PGR: variants seen among roughly 807,000 people sequenced by gnomAD.
PGR encodes progesterone receptor.
Under a neutral mutation model 76.1 loss-of-function variants are expected in PGR, and 25 were observed. That is an observed-to-expected ratio of 0.33 (90% CI 0.24 to 0.46). The LOEUF (loss-of-function observed/expected upper bound fraction) is 0.46, where lower values mean the gene tolerates loss of function less well. PGR is among the 20% of genes least tolerant of loss of function. The pLI, the probability that PGR is intolerant of heterozygous loss-of-function variation, is 1.00. For missense variants in PGR, 1,172 were observed against 1,225.3 expected (o/e 0.96, Z 0.65); for synonymous variants, 579 against 535.0 (o/e 1.08, Z -1.14).
At chr11:101,101,516 G>A (rs916809179) in intron 2 of PGR, among the ~76,000 whole-genome samples, 1 of 152,142 alleles carries the variant, frequency 6.6e-6, no homozygotes, top group African/African-American at 2.4e-5. Flanking sequence ...TAGAAATAGA[G>A]AATCATCCTT....
intron 3 of PGR, among the ~76,000 whole-genome samples, chr11:101,086,585 A>T (rs1034136606): frequency 3.3e-5 from 5 of 152,166 alleles, no homozygotes; most frequent in Non-Finnish European, 1.5e-5. Flanking sequence ...TGCTAGCCAG[A>T]GCAGTCAGGC....
chr11:101,094,700 G>A (rs769270312), intron 2 of PGR, among the ~76,000 whole-genome samples: 1 of 152,090 alleles, frequency 6.6e-6, no homozygotes, highest in African/African-American at 2.4e-5. Flanking sequence ...ATATAAGAAC[G>A]TAAGGAAATT....
At chr11:101,100,605 CCACACA>C (rs10682415) in intron 2 of PGR, among the ~76,000 whole-genome samples, 23 of 147,580 alleles carry the variant, frequency 1.6e-4, no homozygotes, top group South Asian at 2.2e-4. Context: ...TATTTTGAAT[CCACACA>C]CACACACACA....
chr11:101,062,385 G>A, intron 4 of PGR, 62 bp downstream of exon 4: 1 of 1,208,582 alleles, frequency 8.3e-7, no homozygotes, highest in East Asian at 2.5e-5. Context: ...ATTTAACAAT[G>A]TACTAATACA....
At chr11:101,119,206 C>G (rs1862599898) in intron 2 of PGR, among the ~76,000 whole-genome samples, 1 of 152,178 alleles carries the variant, frequency 6.6e-6, no homozygotes, top group Admixed American at 6.5e-5. Flanking sequence ...GGCCCACTTC[C>G]TAACAGGCCA....
intron 2 of PGR, among the ~76,000 whole-genome samples, chr11:101,103,004 A>G (rs1457898767): frequency 6.6e-6 from 1 of 151,886 alleles, no homozygotes; most frequent in African/African-American, 2.4e-5. Context: ...TGCTATGAGA[A>G]TCTAATGCCA....
chr11:101,112,325 G>A (rs559647622), intron 2 of PGR, among the ~76,000 whole-genome samples: 11 of 152,260 alleles, frequency 7.2e-5, no homozygotes, highest in Middle Eastern at 6.8e-3. Flanking sequence ...AGGCTGACAG[G>A]AATTATCCAG....
Position 101,049,978 on chromosome 11 carries a change from A to G in PGR, c.2439T>C (p.Val813=), listed in dbSNP as rs1411338585. Residue 813 remains valine (V), a synonymous_variant, in exon 6 of 8, where the codon GTT becomes GTC. Transcript: ENST00000325455. ...QIPQEFVKLQ[V]SQEEFLCMKV... ...TCATACAGAGGAACTCTTCTTGGCT[A>G]ACTTGAAGCTTGACAAACTCCTGTG... is the stretch of plus-strand genomic sequence containing the variant. 4 of 1,612,624 alleles carry G rather than the reference A, an allele frequency of 2.5e-6. No homozygotes were observed. The highest frequency in any genetic ancestry group is 2.2e-5 in the East Asian group (1 of 44,746).
At chr11:101,100,269 C>T (rs1861957679) in intron 2 of PGR, among the ~76,000 whole-genome samples, 1 of 152,128 alleles carries the variant, frequency 6.6e-6, no homozygotes, top group Non-Finnish European at 1.5e-5. Flanking sequence ...TTATAAGAGT[C>T]TAGCATTTCC....
At position 101,035,844 on chromosome 11, in the gene PGR, T is replaced by C. The variant is rs1859492901; in HGVS notation, c.*3272A>G. On this transcript the variant is annotated 3_prime_UTR_variant, in exon 8 of 8. Coordinates refer to ENST00000325455, the MANE Select transcript of PGR (RefSeq NM_000926.4). ...GGTGACATAAATAAAACAGTGAGACTTTCTAGAATCCTGCTTTCACTGTAG... is the reference window on the plus strand; with the variant it reads ...GGTGACATAAATAAAACAGTGAGACCTTCTAGAATCCTGCTTTCACTGTAG... 1 of 231,728 alleles carries C rather than the reference T, an allele frequency of 4.3e-6. No individual in the cohort carries two copies. The highest frequency in any genetic ancestry group is 2.2e-5 in the African/African-American group (1 of 45,388). The allele number at this position is 231,728 out of a possible 1,614,324, so 14.4% of individuals were successfully genotyped here. A position where few individuals can be genotyped will look rare whatever the true frequency, so the allele number is the denominator to read the frequency against.
In PGR at chr11:101,035,579, A is replaced by G. The variant is rs2135370681; in HGVS notation, c.*3537T>C. 1 of 232,108 alleles carries G rather than the reference A, an allele frequency of 4.3e-6. No homozygotes were observed. The highest frequency in any genetic ancestry group is 1.8e-4 in the South Asian group (1 of 5,520). The allele number at this position is 232,108 out of a possible 1,614,324, so 14.4% of individuals were successfully genotyped here. On this transcript the variant is annotated 3_prime_UTR_variant, in exon 8 of 8. Coordinates refer to ENST00000325455, the MANE Select transcript of PGR (RefSeq NM_000926.4). ...TTGCTGCCATAGTAAAAATAATTTG[A>G]GCATGGGTTTTTGGAGGGGCTGTGT...
At chr11:101,096,418 G>A (rs921637326) in intron 2 of PGR, among the ~76,000 whole-genome samples, 13 of 152,178 alleles carry the variant, frequency 8.5e-5, no homozygotes, top group African/African-American at 2.9e-4. Context: ...CTCAAGCAAT[G>A]TTTTGGCTTA....
intron 3 of PGR, among the ~76,000 whole-genome samples, chr11:101,087,758 A>T (rs1270192498): frequency 6.6e-6 from 1 of 152,112 alleles, no homozygotes; most frequent in Non-Finnish European, 1.5e-5. Flanking sequence ...AATCTCACCA[A>T]AAAAATGGGC....
rs751679548 is a variant in PGR, at chr11:101,128,812, A to T, written c.259T>A (p.Tyr87Asn). Residue 87 changes from tyrosine (Y) to asparagine (N), a missense_variant, in exon 1 of 8, where the codon TAT becomes AAT. Tyr to Asn is a moderately radical substitution (Grantham distance 143). Coordinates refer to ENST00000325455, the MANE Select transcript of PGR (RefSeq NM_000926.4). ...QQSLSDVEGA[Y>N]SRAEATRGAG... ...CCCCTTGTAGCTTCAGCTCTGGAAT[A>T]TGCGCCCTCCACGTCCGACAGCGAC... 4 of 1,614,140 alleles carry T rather than the reference A, an allele frequency of 2.5e-6. No homozygotes were observed. The highest frequency in any genetic ancestry group is 4.5e-5 in the East Asian group (2 of 44,852).
chr11:101,118,082 C>A (rs1862564736), intron 2 of PGR, among the ~76,000 whole-genome samples: 1 of 152,182 alleles, frequency 6.6e-6, no homozygotes, highest in Non-Finnish European at 1.5e-5. Context: ...CTCACTTCCA[C>A]ACACACACTG....
intron 2 of PGR, among the ~76,000 whole-genome samples, chr11:101,122,084 G>A (rs1862695907): frequency 6.7e-6 from 1 of 149,254 alleles, no homozygotes. Flanking sequence ...GAACCCGGGA[G>A]GCGGAGCTTG....
intron 7 of PGR, chr11:101,041,711 G>C: frequency 2.1e-6 from 1 of 481,288 alleles, no homozygotes; most frequent in African/African-American, 2.0e-5. Context: ...ATTTCTATCA[G>C]CTATTAAATT....
At chr11:101,061,373 T>A (rs1191573623) in intron 4 of PGR, among the ~76,000 whole-genome samples, 4 of 152,206 alleles carry the variant, frequency 2.6e-5, no homozygotes, top group Non-Finnish European at 5.9e-5. Flanking sequence ...TTTCTTAATA[T>A]GTATTTTTTG....
At chr11:101,040,275 G>A (rs573811013) in intron 7 of PGR, among the ~76,000 whole-genome samples, 1 of 151,910 alleles carries the variant, frequency 6.6e-6, no homozygotes, top group African/African-American at 2.4e-5. Context: ...ATTTTTCCTG[G>A]AGCTGGTATC....
Sources: allele counts gnomAD v4.1 joint callset (sites outside exome capture counted in the v4.1 genomes callset), GRCh38; gene constraint gnomAD v4.1.1; transcripts MANE v1.5; gene names NCBI Gene and HGNC (gene_info 2026-07-23, HGNC 2026-07-21).